SOX4: variants seen among roughly 807,000 people sequenced by gnomAD.
SOX4 encodes the protein SRY-box transcription factor 4, also known as transcription factor SOX-4.
For missense variants in SOX4, 662 were observed against 694.9 expected, an observed-to-expected ratio of 0.95 and a Z score of 0.53; for synonymous variants, 465 against 348.4, an observed-to-expected ratio of 1.33 and a Z score of -3.73.
In SOX4 at chr6:21,595,051, G is replaced by A. The variant is rs1457133254; in HGVS notation, c.517G>A (p.Gly173Arg). Residue 173 changes from glycine to arginine, a missense_variant, in exon 1 of 1, where the codon GGG becomes AGG. Transcript: ENST00000244745. ...GGGHGGGGGG[G>R]SSNAGGGGGG... Reference sequence around the variant, plus strand: ...CGGCCATGGGGGCGGCGGCGGCGGCGGGAGCAGCAACGCGGGGGGAGGAGG... The same window carrying A: ...CGGCCATGGGGGCGGCGGCGGCGGCAGGAGCAGCAACGCGGGGGGAGGAGG... The A allele has an allele frequency of 7.0e-7, 1 of 1,436,548 alleles. No individual in the cohort carries two copies. The allele number at this position is 1,436,548 out of a possible 1,614,324, so 89.0% of individuals were successfully genotyped here. A position where few individuals can be genotyped will look rare whatever the true frequency, so the allele number is the denominator to read the frequency against.
At position 21,596,402 on chromosome 6, in the gene SOX4, T is replaced by C; in HGVS notation, c.*443T>C. The stretch of plus-strand genomic sequence containing the variant: ...AGTTTTCTAGAGACTTGAAGGAGTC[T>C]CCCCCTTCCTGCATCACCACCTTGG... On this transcript the variant is annotated 3_prime_UTR_variant, in exon 1 of 1. Transcript: ENST00000244745. The C allele has an allele frequency of 6.0e-6, 1 of 167,548 alleles. No homozygotes were observed. Among genetic ancestry groups the C allele is most frequent in the Non-Finnish European group, 1.5e-5 (1 of 68,680 alleles). 10.4% of individuals were successfully genotyped at this position (167,548 alleles called of 1,614,324 possible).
chr6:21,594,981 C>T lies in SOX4; in HGVS notation c.447C>T (p.Ser149=), dbSNP rs1313307705. 7 of 1,593,240 alleles carry T rather than the reference C, an allele frequency of 4.4e-6. No homozygotes were observed. The highest frequency in any genetic ancestry group is 1.3e-5 in the African/African-American group (1 of 74,126). ...ANSSSSAAAS[S]KPGEKGDKVG... ...CCAGCTCCTCGGCCGCCGCCTCCTC[C>T]AAGCCGGGGGAGAAGGGAGACAAGG... Residue 149 remains serine (S), a synonymous_variant, in exon 1 of 1, where the codon TCC becomes TCT. Coordinates refer to ENST00000244745, the MANE Select transcript of SOX4 (RefSeq NM_003107.3).
In SOX4 at chr6:21,595,608, C is replaced by T. The variant is rs753612530; in HGVS notation, c.1074C>T (p.His358=). 6.4e-6 allele frequency: 8 copies of T among 1,245,614 alleles called. No homozygotes were observed. In the South Asian group the frequency reaches 2.6e-4, roughly 40 times the overall value. The allele number at this position is 1,245,614 out of a possible 1,614,324, so 77.2% of individuals were successfully genotyped here. Residue 358 remains histidine (H), a synonymous_variant, in exon 1 of 1, where the codon CAC becomes CAT. Transcript: ENST00000244745. ...SPAAGRSPAD[H]RGYASLRAAS... is the part of the protein sequence containing the mutation. ...CCGCCGGCCGCTCGCCCGCCGACCA[C>T]CGCGGCTACGCCAGCCTGCGCGCCG...
rs1400663770 is a variant in SOX4 at position 21,594,829 on chromosome 6, C to T, written c.295C>T (p.Leu99=). The change falls in exon 1 of 1, where the codon CTG becomes TTG. Residue 99 remains leucine (L), a synonymous_variant. Transcript: ENST00000244745. ...ISKRLGKRWK[L]LKDSDKIPFI... ...CAAGCGGCTGGGCAAACGCTGGAAGCTGCTCAAAGACAGCGACAAGATCCC... is the reference window on the plus strand; with the variant it reads ...CAAGCGGCTGGGCAAACGCTGGAAGTTGCTCAAAGACAGCGACAAGATCCC... 6.2e-7 allele frequency: 1 copy of T among 1,610,672 alleles called. No individual in the cohort carries two copies. Among genetic ancestry groups the T allele is most frequent in the Admixed American group, 1.7e-5 (1 of 59,420 alleles).
chr6:21,596,154 C>A lies in SOX4; in HGVS notation c.*195C>A. The A allele has an allele frequency of 2.3e-6, 2 of 859,956 alleles. No individual in the cohort carries two copies. Among genetic ancestry groups the A allele is most frequent in the Non-Finnish European group, 3.3e-6 (2 of 610,290 alleles). 53.3% of individuals were successfully genotyped at this position (859,956 alleles called of 1,614,324 possible). A position where few individuals can be genotyped will look rare whatever the true frequency, so the allele number is the denominator to read the frequency against. ...CGGCGGCGTTTTGGACCCGCGCTCC[C>A]ATCCCCCACCTTCCCGGGCCGGGGA... On this transcript the variant is annotated 3_prime_UTR_variant, in exon 1 of 1. Transcript: ENST00000244745.
At position 21,594,459 on chromosome 6, in the gene SOX4, A is replaced by C. The variant is rs1763091544; in HGVS notation, c.-76A>C. 1.7e-5 allele frequency: 22 copies of C among 1,330,258 alleles called. No homozygotes were observed. The highest frequency in any genetic ancestry group is 8.4e-5 in the Admixed American group (2 of 23,900). 82.4% of individuals were successfully genotyped at this position (1,330,258 alleles called of 1,614,324 possible). ...GTTCGGCGTGTGCTTGGCCCGGGGA[A>C]CCGGGAGGGCCCGGCGATCGCGCGG... On this transcript the variant is annotated 5_prime_UTR_variant, in exon 1 of 1. Coordinates refer to ENST00000244745, the MANE Select transcript of SOX4 (RefSeq NM_003107.3).
chr6:21,595,853 C>T lies in SOX4; in HGVS notation c.1319C>T (p.Ser440Phe). Residue 440 changes from serine (S) to phenylalanine (F), a missense_variant, in exon 1 of 1, where the codon TCC becomes TTC. Ser to Phe is a radical substitution (Grantham distance 155, BLOSUM62 -2). Coordinates refer to ENST00000244745, the MANE Select transcript of SOX4 (RefSeq NM_003107.3). ...RDLDFNFEPG[S>F]GSHFEFPDYC... ...CTGGATTTTAACTTCGAGCCCGGCT[C>T]CGGCTCGCACTTCGAGTTCCCGGAC... The T allele has an allele frequency of 6.2e-7, 1 of 1,611,834 alleles. No individual in the cohort carries two copies. Among genetic ancestry groups the T allele is most frequent in the Non-Finnish European group, 8.5e-7 (1 of 1,179,316 alleles).
chr6:21,595,481 C>T lies in SOX4; in HGVS notation c.947C>T (p.Ala316Val), dbSNP rs201864836. ...SSPVGGVGAG[A>V]DPSDPLGLYE... ...CCCGTGGGCGGCGTGGGCGCGGGAG[C>T]CGACCCCAGCGACCCCCTGGGCCTG... Residue 316 changes from alanine (A) to valine (V), a missense_variant, in exon 1 of 1, where the codon GCC (alanine) becomes GTC (valine). Physicochemically the swap from Ala to Val is moderately conservative, Grantham distance 64. Transcript: ENST00000244745. 8.9e-3 allele frequency: 12,737 copies of T among 1,433,982 alleles called. 77 individuals carry two copies. The highest frequency in any genetic ancestry group is 0.011 in the Non-Finnish European group (11,883 of 1,096,634). 88.8% of individuals were successfully genotyped at this position (1,433,982 alleles called of 1,614,324 possible).
rs764152164 is a variant in SOX4, at chr6:21,595,359, C to T, written c.825C>T (p.Ala275=). The T allele has an allele frequency of 2.8e-5, 43 of 1,529,854 alleles. No individual in the cohort carries two copies. The highest frequency in any genetic ancestry group is 1.0e-4 in the African/African-American group (7 of 69,994). The allele number at this position is 1,529,854 out of a possible 1,614,324, so 94.8% of individuals were successfully genotyped here. A position where few individuals can be genotyped will look rare whatever the true frequency, so the allele number is the denominator to read the frequency against. The part of the protein sequence containing the change: ...PSASASASSA[A]SASAALAAPG... ...CCTCGGCCTCCGCCTCCTCGGCAGC[C>T]TCGGCCTCCGCAGCGCTCGCGGCCC... Residue 275 remains alanine (A), a synonymous_variant, in exon 1 of 1, where the codon GCC becomes GCT. Coordinates refer to ENST00000244745, the MANE Select transcript of SOX4 (RefSeq NM_003107.3).
Position 21,597,907 on chromosome 6 carries a change from T to TA in SOX4, c.*1953dup, listed in dbSNP as rs546828315. 2.8e-3 allele frequency: 468 copies of TA among 167,144 alleles called. 3 individuals are homozygous for TA. The highest frequency in any genetic ancestry group is 0.023 in the South Asian group (113 of 4,822). The allele number at this position is 167,144 out of a possible 1,614,324, so 10.4% of individuals were successfully genotyped here. On this transcript the variant is annotated 3_prime_UTR_variant, in exon 1 of 1. Transcript: ENST00000244745. Reference sequence around the variant, plus strand: ...TGTCCACCCTCCGGCCCCCGTCTTGTAAAAAGGGGAGGAGAATTAGCCAAA... The same window carrying TA: ...TGTCCACCCTCCGGCCCCCGTCTTGTAAAAAAGGGGAGGAGAATTAGCCAAA...
Position 21,596,847 on chromosome 6 carries a change from CCTT to C in SOX4, c.*892_*894del, listed in dbSNP as rs1938456696. On this transcript the variant is annotated 3_prime_UTR_variant, in exon 1 of 1. Transcript: ENST00000244745. ...GGCGGCGGCGGCTGCTGGGCCTCCG[CCTT>C]CTTTTCTACGTGAAATCAGTGAGGT... 6.0e-6 allele frequency: 1 copy of C among 166,976 alleles called. No homozygotes were observed. Among genetic ancestry groups the C allele is most frequent in the African/African-American group, 2.4e-5 (1 of 41,316 alleles). The allele number at this position is 166,976 out of a possible 1,614,324, so 10.3% of individuals were successfully genotyped here. A position where few individuals can be genotyped will look rare whatever the true frequency, so the allele number is the denominator to read the frequency against.
rs997555171 is a variant in SOX4, at chr6:21,597,348, G to A, written c.*1389G>A. The A allele has an allele frequency of 6.0e-6, 1 of 166,758 alleles. No individual in the cohort carries two copies. The highest frequency in any genetic ancestry group is 2.4e-5 in the African/African-American group (1 of 41,358). The allele number at this position is 166,758 out of a possible 1,614,324, so 10.3% of individuals were successfully genotyped here. A position where few individuals can be genotyped will look rare whatever the true frequency, so the allele number is the denominator to read the frequency against. On this transcript the variant is annotated 3_prime_UTR_variant, in exon 1 of 1. Coordinates refer to ENST00000244745, the MANE Select transcript of SOX4 (RefSeq NM_003107.3). ...AGAAGACGTGTTTTTTTCCTTCACC[G>A]ATGCTCCATCCTCGTATTTCTTTTT...
At position 21,595,374 on chromosome 6, in the gene SOX4, G is replaced by T. The variant is rs767438737; in HGVS notation, c.840G>T (p.Ala280=). 1 of 1,534,798 alleles carries T rather than the reference G, an allele frequency of 6.5e-7. No individual in the cohort carries two copies. The highest frequency in any genetic ancestry group is 1.4e-5 in the African/African-American group (1 of 70,066). Reference sequence around the variant, plus strand: ...CCTCGGCAGCCTCGGCCTCCGCAGCGCTCGCGGCCCCGGGCAAGCACCTGG... The same window carrying T: ...CCTCGGCAGCCTCGGCCTCCGCAGCTCTCGCGGCCCCGGGCAAGCACCTGG... ...SASSAASASA[A]LAAPGKHLAE... Residue 280 remains alanine (A), a synonymous_variant, in exon 1 of 1, where the codon GCG becomes GCT. Coordinates refer to ENST00000244745, the MANE Select transcript of SOX4 (RefSeq NM_003107.3).
chr6:21,595,251 C>T lies in SOX4; in HGVS notation c.717C>T (p.Ala239=), dbSNP rs1001800156. The change falls in exon 1 of 1, where the codon GCC becomes GCT. Residue 239 remains alanine (A), a synonymous_variant. Coordinates refer to ENST00000244745, the MANE Select transcript of SOX4 (RefSeq NM_003107.3). The part of the protein sequence containing the change: ...AAAAAAASFA[A]EQAGAAALLP... ...CTGCCGCCGCCGCCTCCTTCGCCGCCGAACAGGCGGGGGCCGCCGCCCTGC... is the reference window on the plus strand; with the variant it reads ...CTGCCGCCGCCGCCTCCTTCGCCGCTGAACAGGCGGGGGCCGCCGCCCTGC... The T allele has an allele frequency of 2.4e-6, 3 of 1,256,502 alleles. No homozygotes were observed. Among genetic ancestry groups the T allele is most frequent in the African/African-American group, 3.1e-5 (2 of 64,004 alleles). 77.8% of individuals were successfully genotyped at this position (1,256,502 alleles called of 1,614,324 possible). A position where few individuals can be genotyped will look rare whatever the true frequency, so the allele number is the denominator to read the frequency against.
chr6:21,594,384 G>T lies in SOX4; in HGVS notation c.-151G>T. On this transcript the variant is annotated 5_prime_UTR_variant, in exon 1 of 1. Transcript: ENST00000244745. ...GACTTTTCTCTCTTTACCCACCTCC[G>T]CCCCTGCGAGGAGTTGAGGGGCCAG... 1 of 964,326 alleles carries T rather than the reference G, an allele frequency of 1.0e-6. No homozygotes were observed. The highest frequency in any genetic ancestry group is 1.4e-6 in the Non-Finnish European group (1 of 729,586). 59.7% of individuals were successfully genotyped at this position (964,326 alleles called of 1,614,324 possible). A position where few individuals can be genotyped will look rare whatever the true frequency, so the allele number is the denominator to read the frequency against.
At position 21,595,086 on chromosome 6, in the gene SOX4, G is replaced by C. The variant is rs926071538; in HGVS notation, c.552G>C (p.Ala184=). Residue 184 remains alanine (A), a synonymous_variant, in exon 1 of 1, where the codon GCG becomes GCC. Transcript: ENST00000244745. ...ACGCGGGGGGAGGAGGCGGCGGTGC[G>C]AGTGGCGGCGGCGCCAACTCCAAAC... ...SSNAGGGGGG[A]SGGGANSKPA... 7.1e-7 allele frequency: 1 copy of C among 1,406,350 alleles called. No homozygotes were observed. Among genetic ancestry groups the C allele is most frequent in the Non-Finnish European group, 9.2e-7 (1 of 1,088,870 alleles). 87.1% of individuals were successfully genotyped at this position (1,406,350 alleles called of 1,614,324 possible).
rs2113561838 is a variant in SOX4 at position 21,597,842 on chromosome 6, A to C, written c.*1883A>C. 1 of 167,194 alleles carries C rather than the reference A, an allele frequency of 6.0e-6. No individual in the cohort carries two copies. The highest frequency in any genetic ancestry group is 3.4e-3 in the Middle Eastern group (1 of 296). The allele number at this position is 167,194 out of a possible 1,614,324, so 10.4% of individuals were successfully genotyped here. ...TCTCCATGTTTACACTTCAATCTGC[A>C]GGCTTCTTAAAGTGACAGTATCCCT... On this transcript the variant is annotated 3_prime_UTR_variant, in exon 1 of 1. Coordinates refer to ENST00000244745, the MANE Select transcript of SOX4 (RefSeq NM_003107.3).
rs1328589377 is a variant in SOX4 at position 21,596,155 on chromosome 6, A to ATCCCCCACCT, written c.*201_*210dup. 1.4e-5 allele frequency: 12 copies of ATCCCCCACCT among 855,172 alleles called. No individual in the cohort carries two copies. The highest frequency in any genetic ancestry group is 1.8e-5 in the Non-Finnish European group (11 of 608,414). 53.0% of individuals were successfully genotyped at this position (855,172 alleles called of 1,614,324 possible). On this transcript the variant is annotated 3_prime_UTR_variant, in exon 1 of 1. Coordinates refer to ENST00000244745, the MANE Select transcript of SOX4 (RefSeq NM_003107.3). ...GGCGGCGTTTTGGACCCGCGCTCCC[A>ATCCCCCACCT]TCCCCCACCTTCCCGGGCCGGGGAC... is the stretch of plus-strand genomic sequence containing the variant.
chr6:21,595,074 AGGCGGCGGTGCGAGTGGC>A lies in SOX4; in HGVS notation c.548_565del (p.Gly183_Gly188del), dbSNP rs1763107633. Reference sequence around the variant, plus strand: ...GCGGGAGCAGCAACGCGGGGGGAGGAGGCGGCGGTGCGAGTGGCGGCGGCGCCAACTCCAAACCGGCGC... The same window carrying A: ...GCGGGAGCAGCAACGCGGGGGGAGGAGGCGGCGCCAACTCCAAACCGGCGC... On this transcript the variant is annotated inframe_deletion, in exon 1 of 1. Coordinates refer to ENST00000244745, the MANE Select transcript of SOX4 (RefSeq NM_003107.3). 5 of 1,410,936 alleles carry A rather than the reference AGGCGGCGGTGCGAGTGGC, an allele frequency of 3.5e-6. No homozygotes were observed. The highest frequency in any genetic ancestry group is 4.6e-6 in the Non-Finnish European group (5 of 1,090,524). The allele number at this position is 1,410,936 out of a possible 1,614,324, so 87.4% of individuals were successfully genotyped here. A position where few individuals can be genotyped will look rare whatever the true frequency, so the allele number is the denominator to read the frequency against.
Sources: allele counts gnomAD v4.1 joint callset, GRCh38; gene constraint gnomAD v4.1.1; transcripts MANE v1.5; gene names NCBI Gene and HGNC (gene_info 2026-07-23, HGNC 2026-07-21).